The following CADPS variants were observed in gnomAD, a reference collection of about 807,000 sequenced individuals.
CADPS encodes calcium-dependent secretion activator 1.
Under a neutral mutation model 167.3 loss-of-function variants are expected in CADPS, and 57 were observed. The observed-to-expected ratio is 0.34, with a 90% confidence interval of 0.28 to 0.42. CADPS has a LOEUF of 0.42. Ranked by LOEUF, CADPS falls within the 20% of genes least tolerant of loss-of-function variation. CADPS has a pLI of 1.00. For missense variants in CADPS, 1,414 were observed against 1,738.1 expected (o/e 0.81, Z 3.32); for synonymous variants, 676 against 635.3 (o/e 1.06, Z -0.96).
At chr3:62,839,572 C>T (rs191977447) in intron 1 of CADPS, among the ~76,000 whole-genome samples, 13 of 152,074 alleles carry the variant, frequency 8.5e-5, no homozygotes, top group Non-Finnish European at 1.6e-4. Context: ...GGCTAGACCA[C>T]GAAGGGCCTG....
At position 62,549,999 on chromosome 3, in the gene CADPS, C is replaced by G. The variant is rs767467805; in HGVS notation, c.1870G>C (p.Gly624Arg). 6.2e-7 allele frequency: 1 copy of G among 1,614,068 alleles called. No homozygotes were observed. The highest frequency in any genetic ancestry group is 8.5e-7 in the Non-Finnish European group (1 of 1,179,986). The change falls in exon 11 of 30, where the codon GGG becomes CGG. Residue 624 changes from glycine to arginine, a missense_variant. By Grantham distance (125) the Gly-to-Arg change is moderately radical. Around this residue, in one of 6 missense-constraint regions of CADPS, gnomAD observed 529 missense variants for 629.6 expected, o/e 0.84. Coordinates refer to ENST00000383710, the MANE Select transcript of CADPS (RefSeq NM_003716.4). ...GGGGGCACAGGCTTGTGTGACTGCC[C>G]CGTGGCCCGATACATGGCCTGGACC... ...LWVQAMYRAT[G>R]QSHKPVPPTQ...
chr3:62,753,636 C>A lies in CADPS; in HGVS notation c.693G>T (p.Glu231Asp). 6.2e-7 allele frequency: 1 copy of A among 1,614,182 alleles called. No homozygotes were observed. The highest frequency in any genetic ancestry group is 8.5e-7 in the Non-Finnish European group (1 of 1,180,024). ...SLPEIDGLSK[E>D]TVLSSWMAKF... The stretch of plus-strand genomic sequence containing the variant: ...TGGCCATCCAGGAGCTCAGCACAGT[C>A]TCCTTGCTGAGGCCGTCAATCTCAG... Residue 231 changes from glutamate to aspartate, a missense_variant, in exon 3 of 30, where the codon GAG (glutamate) becomes GAT (aspartate). Around this residue, in one of 6 missense-constraint regions of CADPS, gnomAD observed 522 missense variants for 559.5 expected, o/e 0.93. Transcript: ENST00000383710. This position sits in a 1 kb window ranked among gnomAD's most constrained non-coding sequence, Gnocchi z 4.6.
At chr3:62,757,825 A>T (rs2152450330) in intron 2 of CADPS, among the ~76,000 whole-genome samples, 1 of 152,314 alleles carries the variant, frequency 6.6e-6, no homozygotes, top group East Asian at 1.9e-4. Flanking sequence ...AAGTCAAGGG[A>T]GGAGCAAAGG....
At chr3:62,767,873 G>A (rs2087328561) in intron 1 of CADPS, among the ~76,000 whole-genome samples, 2 of 152,130 alleles carry the variant, frequency 1.3e-5, no homozygotes, top group South Asian at 4.1e-4. Flanking sequence ...GTTTCAACAT[G>A]TAATCAGTAT....
At position 62,399,399 on chromosome 3, in the gene CADPS, A is replaced by G. The variant is rs1264686693; in HGVS notation, c.*7T>C. On this transcript the variant is annotated 3_prime_UTR_variant, in exon 30 of 30. Coordinates refer to ENST00000383710, the MANE Select transcript of CADPS (RefSeq NM_003716.4). This position sits in a 1 kb window ranked among gnomAD's most constrained non-coding sequence, Gnocchi z 5.6. ...CTCTGTCCCAGCAGACTCTAGGACC[A>G]AATGGTCTAATCGTCTTCTTCGTCT... The G allele has an allele frequency of 1.2e-6, 2 of 1,614,024 alleles. No individual in the cohort carries two copies. Among genetic ancestry groups the G allele is most frequent in the South Asian group, 2.2e-5 (2 of 91,084 alleles).
intron 3 of CADPS, among the ~76,000 whole-genome samples, chr3:62,721,406 G>T (rs2075805659): frequency 6.6e-6 from 1 of 152,124 alleles, no homozygotes; most frequent in African/African-American, 2.4e-5. Context: ...AGGAGAGTTT[G>T]TCCTTGAACC....
chr3:62,635,263 C>T (rs1422641860), intron 6 of CADPS, among the ~76,000 whole-genome samples: 1 of 152,132 alleles, frequency 6.6e-6, no homozygotes, highest in African/African-American at 2.4e-5. Flanking sequence ...AACAAGGTGA[C>T]ATCACATGGC....
At position 62,465,306 on chromosome 3, in the gene CADPS, C is replaced by T; in HGVS notation, c.3636+61G>A. 8.0e-7 allele frequency: 1 copy of T among 1,245,390 alleles called. No homozygotes were observed. The highest frequency in any genetic ancestry group is 1.1e-6 in the Non-Finnish European group (1 of 871,618). The allele number at this position is 1,245,390 out of a possible 1,614,324, so 77.1% of individuals were successfully genotyped here. ...AACAAAATGACACAACATAACTCCT[C>T]TCCCAAGCCGAAACCAAAAATTAAA... On this transcript the variant is annotated intron_variant, in intron 26 of 29. Transcript: ENST00000383710. The surrounding 1 kb of genome is among the most constrained non-coding windows in gnomAD (Gnocchi z 4.1).
intron 1 of CADPS, among the ~76,000 whole-genome samples, chr3:62,862,830 G>A (rs888406910): frequency 6.6e-6 from 1 of 152,232 alleles, no homozygotes; most frequent in Non-Finnish European, 1.5e-5. Flanking sequence ...GCAATGGGAG[G>A]AAGCCCTAGT....
chr3:62,809,310 G>T lies in CADPS; in HGVS notation c.442-43326C>A, dbSNP rs116894842. Reference sequence around the variant, plus strand: ...AATAGCATTCAAACTGTTTCCTCTGGCTCAAAAATACCCACAAGAGCAAAC... The same window carrying T: ...AATAGCATTCAAACTGTTTCCTCTGTCTCAAAAATACCCACAAGAGCAAAC... On this transcript the variant is annotated intron_variant, in intron 1 of 29. Coordinates refer to ENST00000383710, the MANE Select transcript of CADPS (RefSeq NM_003716.4). Among the ~76,000 whole-genome samples, 764 of 152,148 alleles carry T rather than the reference G, an allele frequency of 5.0e-3. 21 individuals carry two copies. The East Asian group carries it at 0.073, about 15-fold the overall frequency.
At chr3:62,522,145 CTATCT>C (rs1316342628) in intron 13 of CADPS, among the ~76,000 whole-genome samples, 1 of 150,516 alleles carries the variant, frequency 6.6e-6, no homozygotes, top group African/African-American at 2.5e-5. Context: ...ATCTATCTAT[CTATCT>C]AACTATTGAG....
intron 5 of CADPS, among the ~76,000 whole-genome samples, chr3:62,646,669 G>A (rs2150091623): frequency 6.6e-6 from 1 of 152,336 alleles, no homozygotes; most frequent in Non-Finnish European, 1.5e-5. Flanking sequence ...GAGAGCACAT[G>A]CTCCTTCTGA....
chr3:62,735,073 A>G (rs2078717442), intron 3 of CADPS, among the ~76,000 whole-genome samples: 1 of 152,184 alleles, frequency 6.6e-6, no homozygotes, highest in Non-Finnish European at 1.5e-5. Flanking sequence ...TATGTGCACA[A>G]GAAGTATTTA....
intron 1 of CADPS, among the ~76,000 whole-genome samples, chr3:62,771,062 T>C (rs147273000): frequency 9.4e-4 from 143 of 152,332 alleles, no homozygotes; most frequent in African/African-American, 3.3e-3. Context: ...TTTAAAATTA[T>C]ACCTACTTTT....
At chr3:62,413,257 A>T (rs1013691007) in intron 28 of CADPS, among the ~76,000 whole-genome samples, 1 of 152,182 alleles carries the variant, frequency 6.6e-6, no homozygotes, top group South Asian at 2.1e-4. Context: ...ACTTACTCAA[A>T]AGTGGAACTT....
At position 62,399,135 on chromosome 3, in the gene CADPS, C is replaced by A; in HGVS notation, c.*271G>T. Reference sequence around the variant, plus strand: ...GATCTTTGCTGATAACAGGGACACGCCTAGTGGTTAGACTATGTATTCTCC... The same window carrying A: ...GATCTTTGCTGATAACAGGGACACGACTAGTGGTTAGACTATGTATTCTCC... On this transcript the variant is annotated 3_prime_UTR_variant, in exon 30 of 30. Coordinates refer to ENST00000383710, the MANE Select transcript of CADPS (RefSeq NM_003716.4). This position sits in a 1 kb window ranked among gnomAD's most constrained non-coding sequence, Gnocchi z 5.6. 2.9e-6 allele frequency: 1 copy of A among 349,988 alleles called. No homozygotes were observed. Among genetic ancestry groups the A allele is most frequent in the Non-Finnish European group, 5.3e-6 (1 of 188,242 alleles). The allele number at this position is 349,988 out of a possible 1,614,324, so 21.7% of individuals were successfully genotyped here.
chr3:62,651,102 A>G (rs114348372), intron 4 of CADPS, 22 bp from the exon 5 acceptor site: 15,434 of 1,524,042 alleles, frequency 0.01, 104 homozygotes, highest in Non-Finnish European at 0.012. Flanking sequence ...AAAGAAAAGT[A>G]TGAGCAGAGG....
chr3:62,821,499 T>C (rs963413968), intron 1 of CADPS, among the ~76,000 whole-genome samples: 9 of 152,216 alleles, frequency 5.9e-5, no homozygotes, highest in Non-Finnish European at 1.2e-4. Flanking sequence ...CAAGAATTTC[T>C]TGGCTTGCAG....
rs146983515 is a variant in CADPS, at chr3:62,613,999, C to G, written c.1326-21251G>C. 5.3e-3 allele frequency among the ~76,000 whole-genome samples: 810 copies of G among 152,250 alleles called. 5 individuals are homozygous for G. The highest frequency in any genetic ancestry group is 8.0e-3 in the Non-Finnish European group (546 of 68,004). On this transcript the variant is annotated intron_variant, in intron 6 of 29. Coordinates refer to ENST00000383710, the MANE Select transcript of CADPS (RefSeq NM_003716.4). ...GCATGACCCTGAGAGAGTGCTCCCA[C>G]CTCCAACTCCCTGCCTGCTACAGGG...
Sources: gnomAD v4.1 joint callset for allele counts (sites outside exome capture counted in the v4.1 genomes callset) on GRCh38, gnomAD v4.1.1 for gene constraint, gnomAD v4.1.1 regional missense constraint, Gnocchi (gnomAD v3.1) non-coding constraint, MANE v1.5 for transcripts, NCBI Gene and HGNC (gene_info 2026-07-23, HGNC 2026-07-21) for gene names.